SMURF2: variants seen among roughly 807,000 people sequenced by gnomAD.
The protein encoded by SMURF2 is E3 ubiquitin-protein ligase SMURF2.
Under a neutral mutation model 109.6 loss-of-function variants are expected in SMURF2, and 48 were observed. The ratio of observed to expected loss-of-function variants is 0.44; its 90% CI spans 0.35 to 0.56. The LOEUF (loss-of-function observed/expected upper bound fraction) is 0.56. SMURF2 is among the 20% of genes least tolerant of loss of function. SMURF2 has a pLI of 0.01. For missense variants in SMURF2, 575 were observed against 909.0 expected (o/e 0.63, Z 4.72); for synonymous variants, 288 against 317.1 (o/e 0.91, Z 0.97).
rs201565708 is a variant in SMURF2 at position 64,621,903 on chromosome 17, AAATAAT to A, written c.53-15269_53-15264del. Reference sequence around the variant, plus strand: ...AAAATAAATAAATAAATAAATAAATAAATAATAATAATAATAATAATAAAAAGCACT... The same window carrying A: ...AAAATAAATAAATAAATAAATAAATAAATAATAATAATAATAAAAAGCACT... On this transcript the variant is annotated intron_variant, in intron 1 of 18. Coordinates refer to ENST00000262435, the MANE Select transcript of SMURF2 (RefSeq NM_022739.4). 8.0e-3 allele frequency among the ~76,000 whole-genome samples: 1,131 copies of A among 141,820 alleles called. 6 individuals carry two copies. The highest frequency in any genetic ancestry group is 0.014 in the Middle Eastern group (4 of 278). 93.0% of individuals were successfully genotyped at this position (141,820 alleles called of 152,430 possible). A position where few individuals can be genotyped will look rare whatever the true frequency, so the allele number is the denominator to read the frequency against.
chr17:64,612,072 T>G (rs1382955267), intron 1 of SMURF2, among the ~76,000 whole-genome samples: 2 of 152,074 alleles, frequency 1.3e-5, no homozygotes, highest in African/African-American at 4.8e-5. Flanking sequence ...AACATGTTTC[T>G]CTCAAGCTTT....
Position 64,549,925 on chromosome 17 carries a change from A to C in SMURF2, c.1869+1659T>G, listed in dbSNP as rs116181508. On this transcript the variant is annotated intron_variant, in intron 16 of 18. Coordinates refer to ENST00000262435, the MANE Select transcript of SMURF2 (RefSeq NM_022739.4). ...AGCTTCTACAGGGTTCACTGAATTA[A>C]CACCACACTGAACAGGGAGGAGGTT... Among the ~76,000 whole-genome samples, 206 of 152,332 alleles carry C rather than the reference A, an allele frequency of 1.4e-3. 1 individual carries two copies. Among genetic ancestry groups the C allele is most frequent in the African/African-American group, 4.8e-3 (199 of 41,574 alleles).
intron 1 of SMURF2, among the ~76,000 whole-genome samples, chr17:64,639,750 T>C (rs1420545444): frequency 6.6e-6 from 1 of 152,146 alleles, no homozygotes; most frequent in Non-Finnish European, 1.5e-5. Context: ...TAAGTCAGAC[T>C]ATAAACTCTA....
intron 10 of SMURF2, among the ~76,000 whole-genome samples, chr17:64,568,924 C>T (rs559476289): frequency 1.3e-5 from 2 of 152,034 alleles, no homozygotes; most frequent in South Asian, 4.2e-4. Context: ...ATCGCTTGAA[C>T]CCAAGAGGCA....
intron 5 of SMURF2, among the ~76,000 whole-genome samples, chr17:64,590,866 G>T (rs1265363999): frequency 2.0e-5 from 3 of 150,768 alleles, no homozygotes; most frequent in African/African-American, 7.4e-5. Context: ...ATATCCTGAA[G>T]GATCAACAGT....
intron 5 of SMURF2, among the ~76,000 whole-genome samples, chr17:64,588,323 A>C (rs1969696515): frequency 1.3e-5 from 2 of 152,054 alleles, no homozygotes; most frequent in African/African-American, 4.8e-5. Flanking sequence ...CAATTATCTA[A>C]ATTTGGGAGA....
intron 5 of SMURF2, among the ~76,000 whole-genome samples, chr17:64,587,397 C>T (rs1206634717): frequency 1.3e-5 from 2 of 152,194 alleles, no homozygotes; most frequent in Admixed American, 6.5e-5. Flanking sequence ...GAACAAAACA[C>T]TTAATATACT....
intron 1 of SMURF2, among the ~76,000 whole-genome samples, chr17:64,625,637 T>C (rs1346634879): frequency 6.6e-6 from 1 of 152,200 alleles, no homozygotes; most frequent in African/African-American, 2.4e-5. Flanking sequence ...CTCATGGTTC[T>C]CAAACTTTAG....
Position 64,543,032 on chromosome 17 carries a change from T to A in SMURF2, c.*2816A>T, listed in dbSNP as rs1313823746. On this transcript the variant is annotated 3_prime_UTR_variant, in exon 19 of 19. Transcript: ENST00000262435. Reference sequence around the variant, plus strand: ...AAAGGCAAGAGTATGAAAACAGATATCACATATCTGAAATAACAATACAGC... The same window carrying A: ...AAAGGCAAGAGTATGAAAACAGATAACACATATCTGAAATAACAATACAGC... The A allele has an allele frequency of 6.6e-6, 1 of 152,004 alleles. No individual in the cohort carries two copies. The highest frequency in any genetic ancestry group is 2.1e-4 in the South Asian group (1 of 4,824). 9.4% of individuals were successfully genotyped at this position (152,004 alleles called of 1,614,324 possible). A position where few individuals can be genotyped will look rare whatever the true frequency, so the allele number is the denominator to read the frequency against.
chr17:64,601,377 T>C (rs1969893299), intron 2 of SMURF2, among the ~76,000 whole-genome samples: 1 of 151,940 alleles, frequency 6.6e-6, no homozygotes, highest in Non-Finnish European at 1.5e-5. Flanking sequence ...AAAAAGTGGG[T>C]TAAGGACATC....
At chr17:64,659,556 G>T in intron 1 of SMURF2, among the ~76,000 whole-genome samples, 1 of 144,126 alleles carries the variant, frequency 6.9e-6, no homozygotes, top group Admixed American at 7.0e-5. Flanking sequence ...TGAGGCCTAG[G>T]TTAAATATTT....
chr17:64,588,609 T>C (rs1485104755), intron 5 of SMURF2, among the ~76,000 whole-genome samples: 2 of 151,694 alleles, frequency 1.3e-5, no homozygotes, highest in Admixed American at 6.6e-5. Context: ...ACAGTTTTTT[T>C]TGTTTGTTTT....
Position 64,542,853 on chromosome 17 carries a change from A to G in SMURF2, c.*2995T>C, listed in dbSNP as rs1555682728. On this transcript the variant is annotated 3_prime_UTR_variant, in exon 19 of 19. Coordinates refer to ENST00000262435, the MANE Select transcript of SMURF2 (RefSeq NM_022739.4). ...AAAAACCCATTCGGGGCAACAAACT[A>G]TGTGCAAAACAAAATGTACACTATA... The G allele has an allele frequency of 6.6e-6, 1 of 152,126 alleles. No individual in the cohort carries two copies. The highest frequency in any genetic ancestry group is 2.4e-5 in the African/African-American group (1 of 41,344). The allele number at this position is 152,126 out of a possible 1,614,324, so 9.4% of individuals were successfully genotyped here. A position where few individuals can be genotyped will look rare whatever the true frequency, so the allele number is the denominator to read the frequency against.
chr17:64,571,311 T>C (rs1326014655), intron 10 of SMURF2, among the ~76,000 whole-genome samples: 1 of 152,164 alleles, frequency 6.6e-6, no homozygotes, highest in Non-Finnish European at 1.5e-5. Flanking sequence ...CCTAAAAGCA[T>C]AGTAGGTTTA....
intron 1 of SMURF2, among the ~76,000 whole-genome samples, chr17:64,611,442 ACGTCTT>A (rs1412505440): frequency 3.3e-5 from 5 of 152,024 alleles, no homozygotes; most frequent in African/African-American, 4.8e-5. Context: ...CCCAAAAATC[ACGTCTT>A]CCCCGCAAAC....
At chr17:64,641,907 A>G (rs2144722817) in intron 1 of SMURF2, among the ~76,000 whole-genome samples, 2 of 152,278 alleles carry the variant, frequency 1.3e-5, no homozygotes. Context: ...CCTGGATTCA[A>G]GCAATTCTCC....
At chr17:64,621,952 C>CAAT (rs782162183) in intron 1 of SMURF2, among the ~76,000 whole-genome samples, 7,296 of 130,390 alleles carry the variant, frequency 0.056, 257 homozygotes, top group South Asian at 0.12. Flanking sequence ...GCCATCATCG[C>CAAT]AATAATAATA....
Position 64,606,612 on chromosome 17 carries a change from CT to C in SMURF2, c.80del (p.Lys27ArgfsTer27), listed in dbSNP as rs34397794. The C allele has an allele frequency of 6.5e-7, 1 of 1,542,586 alleles. No homozygotes were observed. Among genetic ancestry groups the C allele is most frequent in the Non-Finnish European group, 8.8e-7 (1 of 1,137,848 alleles). On this transcript the variant is annotated frameshift_variant, in exon 2 of 19. Coordinates refer to ENST00000262435, the MANE Select transcript of SMURF2 (RefSeq NM_022739.4). LOFTEE classifies it high-confidence loss of function. Reference protein sequence around the residue: ...TVLCAKNLVKKDFFRLPDPFA... With the variant: ...TVLCAKNLVKXDFFRLPDPFA... ...AGTTAATTTACTTACGGAAAAAATC[CT>C]TTTTCACCAGGTTTTTTGCACAGAG...
At chr17:64,618,046 A>AT (rs1271346417) in intron 1 of SMURF2, among the ~76,000 whole-genome samples, 4 of 152,070 alleles carry the variant, frequency 2.6e-5, no homozygotes, top group East Asian at 1.9e-4. Context: ...CACAATTATA[A>AT]TTTTTTTTAC....
Sources: allele counts gnomAD v4.1 joint callset (sites outside exome capture counted in the v4.1 genomes callset), GRCh38; gene constraint gnomAD v4.1.1; transcripts MANE v1.5; gene names NCBI Gene and HGNC (gene_info 2026-07-23, HGNC 2026-07-21).